GNG12: variants seen among roughly 807,000 people sequenced by gnomAD.
GNG12 encodes guanine nucleotide-binding protein G(I)/G(S)/G(O) subunit gamma-12.
For synonymous variants in GNG12, 28 were observed against 29.7 expected (o/e 0.94, Z 0.19); for missense variants, 69 against 83.8 (o/e 0.82, Z 0.69).
At chr1:67,817,208 G>C in intron 1 of GNG12, among the ~76,000 whole-genome samples, 1 of 152,220 alleles carries the variant, frequency 6.6e-6, no homozygotes, top group South Asian at 2.1e-4. Flanking sequence ...CCAGACAGCA[G>C]AAAATTTACA....
At chr1:67,802,511 C>CTT (rs1646872290) in intron 1 of GNG12, among the ~76,000 whole-genome samples, 1 of 152,206 alleles carries the variant, frequency 6.6e-6, no homozygotes, top group Admixed American at 6.5e-5. Context: ...CTCACTGCCT[C>CTT]TTTCCCAGAA....
intron 1 of GNG12, among the ~76,000 whole-genome samples, chr1:67,814,459 G>A (rs1295535940): frequency 6.6e-6 from 1 of 152,158 alleles, no homozygotes; most frequent in Non-Finnish European, 1.5e-5. Flanking sequence ...ACAAGGGTGG[G>A]TCACAATAAT....
At position 67,705,524 on chromosome 1, in the gene GNG12, C is replaced by T; in HGVS notation, c.146G>A (p.Ser49Asn). Residue 49 changes from serine (S) to asparagine (N), a missense_variant, in exon 4 of 4, where the codon AGT becomes AAT. By Grantham distance (46) the Ser-to-Asn change is conservative. Coordinates refer to ENST00000370982, the MANE Select transcript of GNG12 (RefSeq NM_018841.6). ...TGGTATTCCTATCAGCAAAGGGTCACTCCTGGCATGTTCCTCACAGTAGGA... is the reference window on the plus strand; with the variant it reads ...TGGTATTCCTATCAGCAAAGGGTCATTCCTGGCATGTTCCTCACAGTAGGA... The part of the protein sequence containing the change: ...LMSYCEEHAR[S>N]DPLLIGIPTS... 3.1e-6 allele frequency: 5 copies of T among 1,614,164 alleles called. No homozygotes were observed. The highest frequency in any genetic ancestry group is 4.2e-6 in the Non-Finnish European group (5 of 1,180,020).
chr1:67,765,663 G>A (rs760645741), intron 2 of GNG12, among the ~76,000 whole-genome samples: 15 of 152,140 alleles, frequency 9.9e-5, no homozygotes, highest in Non-Finnish European at 1.8e-4. Context: ...AAAAAGTATA[G>A]GAAGCAGTAG....
intron 1 of GNG12, among the ~76,000 whole-genome samples, chr1:67,813,690 T>TA (rs199729320): frequency 9.0e-4 from 80 of 89,042 alleles, no homozygotes; most frequent in African/African-American, 3.2e-3. Context: ...ACGATGAGAA[T>TA]AAAAAAAAAT....
At chr1:67,818,861 CTG>C (rs1019924409) in intron 1 of GNG12, among the ~76,000 whole-genome samples, 1 of 152,142 alleles carries the variant, frequency 6.6e-6, no homozygotes, top group Non-Finnish European at 1.5e-5. Flanking sequence ...GATGAGTAAA[CTG>C]AGACACAGCC....
intron 2 of GNG12, among the ~76,000 whole-genome samples, chr1:67,765,196 T>TCTA (rs1413445037): frequency 6.6e-6 from 1 of 152,154 alleles, no homozygotes; most frequent in African/African-American, 2.4e-5. Flanking sequence ...TTCACATCCT[T>TCTA]CTAAGGGAAA....
In GNG12 at chr1:67,778,758, C is replaced by T. The variant is rs150445835; in HGVS notation, c.-76-1251G>A. 6.0e-4 allele frequency among the ~76,000 whole-genome samples: 91 copies of T among 152,212 alleles called. 1 individual carries two copies. The highest frequency in any genetic ancestry group is 2.1e-3 in the African/African-American group (86 of 41,512). On this transcript the variant is annotated intron_variant, in intron 1 of 3. Transcript: ENST00000370982. Reference sequence around the variant, plus strand: ...AAGTCGTTTGCCTCCAGAGTCCATGCTTTTACCCACCACCCTCTCAATTAA... The same window carrying T: ...AAGTCGTTTGCCTCCAGAGTCCATGTTTTTACCCACCACCCTCTCAATTAA...
intron 2 of GNG12, among the ~76,000 whole-genome samples, chr1:67,715,954 T>C (rs1646322988): frequency 1.3e-5 from 2 of 152,208 alleles, no homozygotes; most frequent in African/African-American, 4.8e-5. Context: ...ATAAAATTCT[T>C]TCTCTTTCTC....
chr1:67,794,956 C>T lies in GNG12; in HGVS notation c.-76-17449G>A, dbSNP rs1461083086. Among the ~76,000 whole-genome samples, 5 of 152,354 alleles carry T rather than the reference C, an allele frequency of 3.3e-5. No homozygotes were observed. In the East Asian group the frequency reaches 9.6e-4, roughly 29 times the overall value. On this transcript the variant is annotated intron_variant, in intron 1 of 3. Transcript: ENST00000370982. ...ACCAACTGCTGAGGCAGGCATTTCACTAAGCACTGTGGATACAAACAACCC... is the reference window on the plus strand; with the variant it reads ...ACCAACTGCTGAGGCAGGCATTTCATTAAGCACTGTGGATACAAACAACCC...
At chr1:67,748,507 A>G (rs1279015282) in intron 2 of GNG12, among the ~76,000 whole-genome samples, 1 of 152,186 alleles carries the variant, frequency 6.6e-6, no homozygotes, top group Non-Finnish European at 1.5e-5. Flanking sequence ...CAAAAAACAG[A>G]AATCGTGCTT....
At chr1:67,751,050 G>A (rs1646535651) in intron 2 of GNG12, among the ~76,000 whole-genome samples, 1 of 152,002 alleles carries the variant, frequency 6.6e-6, no homozygotes, top group Non-Finnish European at 1.5e-5. Context: ...TTTTTCACCA[G>A]TTTTTAACCT....
chr1:67,811,026 A>G (rs1172418778), intron 1 of GNG12, among the ~76,000 whole-genome samples: 1 of 152,154 alleles, frequency 6.6e-6, no homozygotes, highest in Non-Finnish European at 1.5e-5. Context: ...TAAAAATGCA[A>G]ATTTTCAAGC....
At chr1:67,823,080 A>T (rs905408229) in intron 1 of GNG12, among the ~76,000 whole-genome samples, 2 of 152,206 alleles carry the variant, frequency 1.3e-5, no homozygotes, top group Non-Finnish European at 2.9e-5. Flanking sequence ...CTGATGGTGA[A>T]ATTAAAGGGA....
At chr1:67,784,875 G>C (rs1034793083) in intron 1 of GNG12, among the ~76,000 whole-genome samples, 1 of 152,166 alleles carries the variant, frequency 6.6e-6, no homozygotes, top group Non-Finnish European at 1.5e-5. Context: ...TTTTGATTGT[G>C]TCTCAAAGTC....
At position 67,775,765 on chromosome 1, in the gene GNG12, G is replaced by C. The variant is rs571180369; in HGVS notation, c.-27+1693C>G. 2.0e-5 allele frequency among the ~76,000 whole-genome samples: 3 copies of C among 152,322 alleles called. 1 individual carries two copies. Among genetic ancestry groups the C allele is most frequent in the Middle Eastern group, 6.8e-3 (2 of 294 alleles). Reference sequence around the variant, plus strand: ...AAGAAGGCACTGTTTGGCTTTGAAGGAAGTCAGAGCAGGCAAGATCACAGA... The same window carrying C: ...AAGAAGGCACTGTTTGGCTTTGAAGCAAGTCAGAGCAGGCAAGATCACAGA... On this transcript the variant is annotated intron_variant, in intron 2 of 3. Transcript: ENST00000370982.
intron 2 of GNG12, among the ~76,000 whole-genome samples, chr1:67,727,087 A>G (rs1180517271): frequency 6.6e-6 from 1 of 152,242 alleles, no homozygotes; most frequent in African/African-American, 2.4e-5. Flanking sequence ...GGCTGCGTCC[A>G]AGGGTAATTC....
chr1:67,805,388 C>G (rs909317485), intron 1 of GNG12, among the ~76,000 whole-genome samples: 11 of 151,946 alleles, frequency 7.2e-5, no homozygotes, highest in Admixed American at 6.6e-4. Context: ...AATAATCAGA[C>G]CAGGAATTTT....
chr1:67,728,679 G>A (rs1004135364), intron 2 of GNG12, among the ~76,000 whole-genome samples: 1 of 152,166 alleles, frequency 6.6e-6, no homozygotes, highest in Non-Finnish European at 1.5e-5. Flanking sequence ...GAAGCCCCAG[G>A]AGACTTCACA....
Sources: gnomAD v4.1 joint callset for allele counts (sites outside exome capture counted in the v4.1 genomes callset) on GRCh38, gnomAD v4.1.1 for gene constraint, MANE v1.5 for transcripts, NCBI Gene and HGNC (gene_info 2026-07-23, HGNC 2026-07-21) for gene names.